The following DEPTOR variants were observed in gnomAD, a reference collection of about 807,000 sequenced individuals.
DEPTOR encodes the protein DEP domain-containing mTOR-interacting protein.
A neutral mutation model predicts 41.6 loss-of-function variants in DEPTOR; 41 were observed. The ratio of observed to expected loss-of-function variants is 0.98; its 90% confidence interval spans 0.77 to 1.28. The LOEUF (loss-of-function observed/expected upper bound fraction) is 1.28. Ranked by LOEUF, DEPTOR falls within the 50% of genes most tolerant of loss-of-function variation. The probability of loss-of-function intolerance (pLI) is 0.00; values close to 1 mark genes in which losing one functional copy is unlikely to be tolerated. For synonymous variants in DEPTOR, 195 were observed against 192.3 expected (o/e 1.01, Z -0.12); for missense variants, 514 against 527.9 (o/e 0.97, Z 0.26).
At chr8:119,952,211 G>A (rs943095499) in intron 3 of DEPTOR, among the ~76,000 whole-genome samples, 2 of 152,162 alleles carry the variant, frequency 1.3e-5, no homozygotes, top group South Asian at 2.1e-4. Context: ...GGCAAGACCT[G>A]TATGGATTGC....
intron 4 of DEPTOR, among the ~76,000 whole-genome samples, chr8:119,975,262 C>T (rs1828683480): frequency 6.6e-6 from 1 of 152,146 alleles, no homozygotes; most frequent in African/African-American, 2.4e-5. Context: ...CAGTACCAAA[C>T]AATCCTTATG....
At chr8:119,924,532 A>AT (rs940345352) in intron 1 of DEPTOR, among the ~76,000 whole-genome samples, 5 of 151,914 alleles carry the variant, frequency 3.3e-5, no homozygotes, top group African/African-American at 7.3e-5. Context: ...TCTCCTGCTT[A>AT]TTTTTTTGGC....
chr8:119,907,309 C>A (rs73321867), intron 1 of DEPTOR, among the ~76,000 whole-genome samples: 162 of 152,152 alleles, frequency 1.1e-3, no homozygotes, highest in African/African-American at 3.8e-3. Flanking sequence ...GATTTCTTCA[C>A]AAAATTTCAA....
intron 3 of DEPTOR, among the ~76,000 whole-genome samples, chr8:119,954,556 T>C (rs1402516225): frequency 1.3e-5 from 2 of 152,194 alleles, no homozygotes; most frequent in Non-Finnish European, 2.9e-5. Flanking sequence ...CCATTTTGTC[T>C]CCCTCCCTGG....
chr8:120,049,248 T>C (rs1046715152), intron 8 of DEPTOR, among the ~76,000 whole-genome samples: 3 of 152,150 alleles, frequency 2.0e-5, no homozygotes, highest in Non-Finnish European at 4.4e-5. Flanking sequence ...TTATTATTAT[T>C]AATTCTTATT....
intron 8 of DEPTOR, among the ~76,000 whole-genome samples, chr8:120,010,567 G>C (rs1388871351): frequency 3.3e-5 from 5 of 149,390 alleles, no homozygotes; most frequent in African/African-American, 9.9e-5. Flanking sequence ...AGTGGGCTGA[G>C]ATCGCACCAA....
chr8:119,959,158 C>CTTTTTTTTTTTTTT (rs60202859), intron 3 of DEPTOR, among the ~76,000 whole-genome samples: 11 of 114,868 alleles, frequency 9.6e-5, no homozygotes, highest in Non-Finnish European at 1.8e-4. Context: ...TTCTTTCTTT[C>CTTTTTTTTTTTTTT]TTTTTTTTTT....
At chr8:120,019,550 G>C (rs145591267) in intron 8 of DEPTOR, among the ~76,000 whole-genome samples, 251 of 152,228 alleles carry the variant, frequency 1.6e-3, no homozygotes, top group Non-Finnish European at 2.9e-3. Flanking sequence ...CCTCACGCCC[G>C]TGTAACTTTT....
intron 8 of DEPTOR, among the ~76,000 whole-genome samples, chr8:120,024,455 T>A (rs1812769495): frequency 6.6e-6 from 1 of 152,098 alleles, no homozygotes; most frequent in African/African-American, 2.4e-5. Flanking sequence ...AAAATCTGAC[T>A]CTCTTTGGAA....
intron 8 of DEPTOR, among the ~76,000 whole-genome samples, chr8:120,022,402 AT>A: frequency 6.6e-6 from 1 of 152,184 alleles, no homozygotes; most frequent in Non-Finnish European, 1.5e-5. Flanking sequence ...ATACATGGAA[AT>A]TTTTTTAAAC....
intron 3 of DEPTOR, among the ~76,000 whole-genome samples, chr8:119,931,486 C>G (rs1463999269): frequency 2.0e-5 from 3 of 152,158 alleles, no homozygotes; most frequent in Non-Finnish European, 4.4e-5. Context: ...CTCAGGGTCT[C>G]TGGTGTGTAG....
chr8:120,046,363 C>T lies in DEPTOR; in HGVS notation c.1102-3213C>T, dbSNP rs568058026. 7.0e-4 allele frequency among the ~76,000 whole-genome samples: 106 copies of T among 151,982 alleles called. 4 individuals are homozygous for T. The South Asian group carries it at 0.013, about 18-fold the overall frequency. On this transcript the variant is annotated intron_variant, in intron 8 of 8. Coordinates refer to ENST00000286234, the MANE Select transcript of DEPTOR (RefSeq NM_022783.4). ...CCACTTCCATGCCCCACCCCACCAC[C>T]CCTGCTCCCAACCCTAAGTAATCAA...
intron 7 of DEPTOR, among the ~76,000 whole-genome samples, 185 bp from the exon 8 acceptor site, chr8:120,008,844 T>G (rs1812488529): frequency 1.3e-5 from 2 of 152,196 alleles, no homozygotes; most frequent in African/African-American, 4.8e-5. Context: ...TTACCACCTT[T>G]TCTACAGGGA....
chr8:120,011,579 A>T (rs1474302314), intron 8 of DEPTOR, among the ~76,000 whole-genome samples: 5 of 152,150 alleles, frequency 3.3e-5, no homozygotes, highest in Non-Finnish European at 5.9e-5. Flanking sequence ...GTGTGCACTC[A>T]CTCGCATGAT....
chr8:119,882,770 A>C (rs997883420), intron 1 of DEPTOR, among the ~76,000 whole-genome samples: 2 of 152,110 alleles, frequency 1.3e-5, no homozygotes, highest in Non-Finnish European at 2.9e-5. Flanking sequence ...GTGGCTCTTA[A>C]ATGGTTGGTT....
At chr8:119,940,037 G>A (rs985833195) in intron 3 of DEPTOR, among the ~76,000 whole-genome samples, 13 of 151,864 alleles carry the variant, frequency 8.6e-5, no homozygotes, top group African/African-American at 3.1e-4. Context: ...GACCAACATG[G>A]AGAAACTCTG....
intron 3 of DEPTOR, among the ~76,000 whole-genome samples, chr8:119,940,037 G>T (rs985833195): frequency 6.6e-6 from 1 of 151,864 alleles, no homozygotes. Flanking sequence ...GACCAACATG[G>T]AGAAACTCTG....
At chr8:119,969,094 C>CA (rs111280654) in intron 4 of DEPTOR, among the ~76,000 whole-genome samples, 7,389 of 137,722 alleles carry the variant, frequency 0.054, 224 homozygotes, top group Middle Eastern at 0.12. Flanking sequence ...GACTCCATCT[C>CA]AAAAAAAAAA....
chr8:119,957,522 A>G (rs1828432472), intron 3 of DEPTOR, among the ~76,000 whole-genome samples: 1 of 151,856 alleles, frequency 6.6e-6, no homozygotes, highest in Admixed American at 6.6e-5. Context: ...GTCAAAAGAA[A>G]TGAAGGAATG....
Sources: gnomAD v4.1 joint callset for allele counts (sites outside exome capture counted in the v4.1 genomes callset) on GRCh38, gnomAD v4.1.1 for gene constraint, MANE v1.5 for transcripts, NCBI Gene and HGNC (gene_info 2026-07-23, HGNC 2026-07-21) for gene names.